NIBAN1: variants seen among roughly 807,000 people sequenced by gnomAD.
NIBAN1 encodes the protein protein Niban 1.
NIBAN1 carries 81 observed loss-of-function variants against 75.1 expected under a neutral mutation model. That is an observed-to-expected ratio of 1.08 (90% CI 0.90 to 1.30). NIBAN1 has a LOEUF of 1.30. Among genes scored for constraint, NIBAN1 ranks in the 50% most tolerant of loss-of-function variants. The pLI, the probability that NIBAN1 is intolerant of heterozygous loss-of-function variation, is 0.00. For missense variants in NIBAN1, 1,133 were observed against 1,128.1 expected (o/e 1.00, Z -0.06); for synonymous variants, 436 against 424.8 (o/e 1.03, Z -0.32).
intron 1 of NIBAN1, among the ~76,000 whole-genome samples, chr1:184,925,199 C>A (rs952032484): frequency 1.3e-5 from 2 of 152,032 alleles, no homozygotes; most frequent in Admixed American, 6.5e-5. Context: ...ATTTTGAAAT[C>A]TATTTTATCT....
intron 11 of NIBAN1, among the ~76,000 whole-genome samples, chr1:184,805,427 T>C (rs1654168726): frequency 6.6e-6 from 1 of 152,210 alleles, no homozygotes; most frequent in African/African-American, 2.4e-5. Context: ...AAATATAACA[T>C]ATATGTGAAA....
chr1:184,899,270 TAGTAGGGACTGA>T lies in NIBAN1; in HGVS notation c.83_94del (p.Phe28_Tyr31del). On this transcript the variant is annotated inframe_deletion, in exon 2 of 14. Transcript: ENST00000367511. Reference sequence around the variant, plus strand: ...GAAAGCCACAGAGTACTGACGACTGTAGTAGGGACTGAAGTTTTTGATGGCAGCCTCAGTTTT... The same window carrying T: ...GAAAGCCACAGAGTACTGACGACTGTAGTTTTTGATGGCAGCCTCAGTTTT... The T allele has an allele frequency of 6.2e-7, 1 of 1,613,912 alleles. No individual in the cohort carries two copies. The highest frequency in any genetic ancestry group is 8.5e-7 in the Non-Finnish European group (1 of 1,179,834).
At chr1:184,932,560 T>C (rs1319109741) in intron 1 of NIBAN1, among the ~76,000 whole-genome samples, 1 of 152,178 alleles carries the variant, frequency 6.6e-6, no homozygotes, top group Non-Finnish European at 1.5e-5. Flanking sequence ...CTTCGCTTGC[T>C]CATCTGCTGC....
At position 184,890,226 on chromosome 1, in the gene NIBAN1, G is replaced by T; in HGVS notation, c.319-4C>A. 6.2e-7 allele frequency: 1 copy of T among 1,601,388 alleles called. No homozygotes were observed. The highest frequency in any genetic ancestry group is 1.3e-5 in the African/African-American group (1 of 74,746). ...GAGCAGCTCCTCTCTGATAGGCCTG[G>T]GGAGGGAAAGGCACACAGGAATGAT... is the stretch of plus-strand genomic sequence containing the variant. On this transcript the variant is annotated splice_region_variant and splice_polypyrimidine_tract_variant and intron_variant, in intron 3 of 13. Transcript: ENST00000367511.
intron 9 of NIBAN1, 108 bp from the exon 10 acceptor site, chr1:184,808,343 G>T: frequency 8.9e-7 from 1 of 1,121,044 alleles, no homozygotes; most frequent in Non-Finnish European, 1.3e-6. Context: ...AGTTGTTAAA[G>T]TGAATCACTA....
intron 1 of NIBAN1, among the ~76,000 whole-genome samples, chr1:184,936,690 C>T (rs781283958): frequency 6.6e-6 from 1 of 152,074 alleles, no homozygotes; most frequent in African/African-American, 2.4e-5. Flanking sequence ...CTTCACACTG[C>T]GTGCGTGCGT....
At chr1:184,871,357 A>AG (rs1312287678) in intron 5 of NIBAN1, among the ~76,000 whole-genome samples, 4 of 125,434 alleles carry the variant, frequency 3.2e-5, no homozygotes, top group African/African-American at 9.6e-5. Context: ...CAAAAAAAAA[A>AG]AAAAAAAAAA....
At chr1:184,970,535 G>T (rs1211454120) in intron 1 of NIBAN1, among the ~76,000 whole-genome samples, 1 of 152,174 alleles carries the variant, frequency 6.6e-6, no homozygotes, top group Non-Finnish European at 1.5e-5. Context: ...GTATAAATAA[G>T]AGGGAACTTC....
At chr1:184,802,088 T>C (rs201949146) in intron 12 of NIBAN1, among the ~76,000 whole-genome samples, 10 of 152,160 alleles carry the variant, frequency 6.6e-5, no homozygotes, top group African/African-American at 1.7e-4. Flanking sequence ...CCAAGGGAAA[T>C]GCACTTTAGC....
rs1382101874 is a variant in NIBAN1, at chr1:184,795,750, CCT to C, written c.2012_2013del (p.Glu671GlyfsTer20). ...CATGTGCCCGGGAGTCCTGCTGTGTCCTCTGTTGCCACAGGATTCACCACGGG... is the reference window on the plus strand; with the variant it reads ...CATGTGCCCGGGAGTCCTGCTGTGTCCTGTTGCCACAGGATTCACCACGGG... ...DDPVVNPVAT[E>X]DTAGLPGTCS... is the part of the protein sequence containing the mutation. On this transcript the variant is annotated frameshift_variant, in exon 14 of 14. Coordinates refer to ENST00000367511, the MANE Select transcript of NIBAN1 (RefSeq NM_052966.4). LOFTEE classifies it low-confidence loss of function (END_TRUNC). 2.6e-5 allele frequency: 42 copies of C among 1,612,106 alleles called. No homozygotes were observed. In the East Asian group the frequency reaches 8.9e-4, roughly 34 times the overall value.
intron 5 of NIBAN1, among the ~76,000 whole-genome samples, chr1:184,860,715 C>G (rs190250949): frequency 6.6e-6 from 1 of 152,328 alleles, no homozygotes; most frequent in Non-Finnish European, 1.5e-5. Flanking sequence ...GTGAGTAACA[C>G]AGATCCTAAG....
intron 1 of NIBAN1, among the ~76,000 whole-genome samples, chr1:184,915,086 G>A (rs1201568316): frequency 6.6e-6 from 1 of 152,174 alleles, no homozygotes; most frequent in South Asian, 2.1e-4. Flanking sequence ...TATGTCTCTA[G>A]AAAACCTTTC....
chr1:184,972,814 A>G lies in NIBAN1; in HGVS notation c.55+1488T>C, dbSNP rs141687361. Among the ~76,000 whole-genome samples, 878 of 152,378 alleles carry G rather than the reference A, an allele frequency of 5.8e-3. 6 individuals carry two copies. The highest frequency in any genetic ancestry group is 7.6e-3 in the Non-Finnish European group (517 of 68,034). On this transcript the variant is annotated intron_variant, in intron 1 of 13. Coordinates refer to ENST00000367511, the MANE Select transcript of NIBAN1 (RefSeq NM_052966.4). ...AATAGCAACAAATGGCACGGCCAGG[A>G]AGTCTTCTTTAAGCATGTTAATCCT... is the stretch of plus-strand genomic sequence containing the variant.
chr1:184,794,943 T>C lies in NIBAN1; in HGVS notation c.*34A>G, dbSNP rs1290294343. ...GTGTACCCCTATAACCCTTTGGCTT[T>C]TTTCAGAGAAAGACTTCAGCCAAAT... On this transcript the variant is annotated 3_prime_UTR_variant, in exon 14 of 14. Coordinates refer to ENST00000367511, the MANE Select transcript of NIBAN1 (RefSeq NM_052966.4). 3 of 1,603,168 alleles carry C rather than the reference T, an allele frequency of 1.9e-6. No individual in the cohort carries two copies. Among genetic ancestry groups the C allele is most frequent in the Non-Finnish European group, 2.5e-6 (3 of 1,179,980 alleles).
chr1:184,945,557 A>T (rs968013552), intron 1 of NIBAN1, among the ~76,000 whole-genome samples: 2 of 152,180 alleles, frequency 1.3e-5, no homozygotes, highest in Non-Finnish European at 2.9e-5. Flanking sequence ...AGCAATCTTT[A>T]AAAAAAGACC....
In NIBAN1 at chr1:184,865,990, C is replaced by T. The variant is rs1234935532; in HGVS notation, c.601+18643G>A. ...TAAACAATCCGGAATGCTTTATTAA[C>T]TATTCTTATCATTTCCAGATGCTTT... On this transcript the variant is annotated intron_variant, in intron 5 of 13. Transcript: ENST00000367511. Among the ~76,000 whole-genome samples, 4 of 152,132 alleles carry T rather than the reference C, an allele frequency of 2.6e-5. No homozygotes were observed. The East Asian group carries it at 7.7e-4, about 29-fold the overall frequency.
Position 184,795,910 on chromosome 1 carries a change from T to C in NIBAN1, c.1854A>G (p.Val618=). ...VLGSETLSNE[V]FQESEEEKQP... ...GCTTCTCTTCCTCTGACTCCTGGAA[T>C]ACTTCGTTACTGAGGGTCTCACTAC... Residue 618 remains valine (V), a synonymous_variant, in exon 14 of 14, where the codon GTA becomes GTG. Transcript: ENST00000367511. The C allele has an allele frequency of 4.3e-6, 7 of 1,614,114 alleles. No individual in the cohort carries two copies. Among genetic ancestry groups the C allele is most frequent in the Non-Finnish European group, 5.1e-6 (6 of 1,179,996 alleles).
chr1:184,811,513 G>GTTTTTTTTTTTTTT (rs55898062), intron 9 of NIBAN1, among the ~76,000 whole-genome samples: 2 of 139,110 alleles, frequency 1.4e-5, no homozygotes, highest in African/African-American at 5.4e-5. Flanking sequence ...TTTTTTTTTT[G>GTTTTTTTTTTTTTT]TTTTTTTTTT....
chr1:184,910,657 GT>G (rs575659929), intron 1 of NIBAN1, among the ~76,000 whole-genome samples: 85 of 152,322 alleles, frequency 5.6e-4, no homozygotes, highest in Middle Eastern at 3.4e-3. Context: ...GCAAAAAGAT[GT>G]TTTGATGATT....
Sources: allele counts gnomAD v4.1 joint callset (sites outside exome capture counted in the v4.1 genomes callset), GRCh38; gene constraint gnomAD v4.1.1; transcripts MANE v1.5; gene names NCBI Gene and HGNC (gene_info 2026-07-23, HGNC 2026-07-21).